Variants in SLC9C1 observed in about 807,000 individuals in gnomAD.
SLC9C1 encodes solute carrier family 9 member C1, also known as sodium/hydrogen exchanger 10.
In SLC9C1, 97 loss-of-function variants were observed where a neutral mutation model predicts 140.9. The ratio of observed to expected loss-of-function variants is 0.69; its 90% CI spans 0.58 to 0.82. SLC9C1 has a LOEUF of 0.82. Ranked by LOEUF, SLC9C1 falls within the 40% of genes least tolerant of loss-of-function variation. SLC9C1 has a pLI of 0.00. For synonymous variants in SLC9C1, 440 were observed against 442.6 expected, an observed-to-expected ratio of 0.99 and a Z score of 0.07; for missense variants, 1,340 against 1,389.3, an observed-to-expected ratio of 0.96 and a Z score of 0.56.
Position 112,239,841 on chromosome 3 carries a change from A to T in SLC9C1, c.1445T>A (p.Met482Lys), listed in dbSNP as rs2079093203. Residue 482 changes from methionine (M) to lysine (K), a missense_variant and splice_region_variant, in exon 12 of 29, where the codon ATG becomes AAG. Transcript: ENST00000305815. Reference protein sequence around the residue: ...EKAITLENPYMLNEEETTEHQ... With the variant: ...EKAITLENPYKLNEEETTEHQ... ...ATAAAAAAGATATTACTTGCTTACC[A>T]TGTATGGGTTTTCAAGTGTAATTGC... is the stretch of plus-strand genomic sequence containing the variant. 2 of 1,609,552 alleles carry T rather than the reference A, an allele frequency of 1.2e-6. No individual in the cohort carries two copies. The highest frequency in any genetic ancestry group is 1.7e-6 in the Non-Finnish European group (2 of 1,178,296).
intron 11 of SLC9C1, among the ~76,000 whole-genome samples, chr3:112,242,413 AAT>A (rs1294813668): frequency 6.6e-6 from 1 of 152,184 alleles, no homozygotes. Context: ...TGTTAAGTGA[AAT>A]AAGCCAGGCA....
chr3:112,206,545 T>C (rs949197269), intron 16 of SLC9C1, among the ~76,000 whole-genome samples: 2 of 152,154 alleles, frequency 1.3e-5, no homozygotes, highest in Non-Finnish European at 2.9e-5. Flanking sequence ...CATGCACACA[T>C]ATGTCTATTG....
intron 10 of SLC9C1, among the ~76,000 whole-genome samples, chr3:112,261,413 T>G (rs997825416): frequency 6.6e-6 from 1 of 152,110 alleles, no homozygotes; most frequent in Non-Finnish European, 1.5e-5. Flanking sequence ...TAATCTTCAC[T>G]GCAATTTTGT....
At chr3:112,270,589 G>A (rs1328724831) in intron 6 of SLC9C1, among the ~76,000 whole-genome samples, 1 of 152,210 alleles carries the variant, frequency 6.6e-6, no homozygotes, top group Admixed American at 6.5e-5. Context: ...GCCGAGGTGG[G>A]CAGATCACTT....
At chr3:112,208,412 T>C (rs775951523) in intron 15 of SLC9C1, 39 bp from the exon 16 acceptor site, 3 of 1,345,124 alleles carry the variant, frequency 2.2e-6, no homozygotes, top group Admixed American at 2.3e-5. Context: ...ATAAAAGGTT[T>C]ACATTAAATG....
intron 23 of SLC9C1, among the ~76,000 whole-genome samples, chr3:112,177,721 CAA>C (rs76761034): frequency 5.3e-4 from 40 of 75,472 alleles, no homozygotes; most frequent in Admixed American, 1.0e-3. Context: ...AATTTTTTTT[CAA>C]AAAAAAAAAA....
At chr3:112,286,637 T>C (rs1286357717) in intron 2 of SLC9C1, 67 bp downstream of exon 2, 2 of 1,350,014 alleles carry the variant, frequency 1.5e-6, no homozygotes, top group Admixed American at 4.6e-5. Context: ...TTTCCTTAAT[T>C]CTATATGGTA....
At chr3:112,249,216 C>A (rs960812868) in intron 10 of SLC9C1, among the ~76,000 whole-genome samples, 6 of 151,184 alleles carry the variant, frequency 4.0e-5, no homozygotes, top group Non-Finnish European at 7.4e-5. Flanking sequence ...TCACATGATT[C>A]CAGTTTTTAG....
intron 10 of SLC9C1, among the ~76,000 whole-genome samples, chr3:112,256,287 A>T (rs2079604164): frequency 6.6e-6 from 1 of 152,178 alleles, no homozygotes; most frequent in Non-Finnish European, 1.5e-5. Context: ...AGAAAACTTA[A>T]GGCCAATATG....
rs983922166 is a variant in SLC9C1, at chr3:112,238,684, C to G, written c.1446+1156G>C. On this transcript the variant is annotated intron_variant, in intron 12 of 28. Coordinates refer to ENST00000305815, the MANE Select transcript of SLC9C1 (RefSeq NM_183061.3). ...TGTTTTTCCTTCTAACAGGCAGGAC[C>G]CTCAGCTGCAAGTCTGCTGGAGTTT... Among the ~76,000 whole-genome samples, 3 of 152,188 alleles carry G rather than the reference C, an allele frequency of 2.0e-5. No homozygotes were observed. In the East Asian group the frequency reaches 5.8e-4, roughly 29 times the overall value.
chr3:112,220,855 G>GA (rs201243656), intron 14 of SLC9C1, among the ~76,000 whole-genome samples: 2,847 of 67,846 alleles, frequency 0.042, 47 homozygotes, highest in South Asian at 0.11. Context: ...CTTTTGGCAG[G>GA]GGGGGACAAA....
intron 20 of SLC9C1, among the ~76,000 whole-genome samples, chr3:112,195,900 G>T (rs564268194): frequency 6.6e-6 from 1 of 151,944 alleles, no homozygotes. Flanking sequence ...TATTATTCTC[G>T]TAAATCATTT....
At chr3:112,186,134 T>A in intron 20 of SLC9C1, 2 of 550,160 alleles carry the variant, frequency 3.6e-6, no homozygotes, top group Non-Finnish European at 5.9e-6. Flanking sequence ...GGATATGAGT[T>A]CTTCATTGGA....
At chr3:112,156,196 T>TA (rs2075123157) in intron 26 of SLC9C1, among the ~76,000 whole-genome samples, 1 of 152,168 alleles carries the variant, frequency 6.6e-6, no homozygotes, top group Non-Finnish European at 1.5e-5. Flanking sequence ...CATGGTACTC[T>TA]ATACTTCTAT....
At chr3:112,264,364 T>TA in intron 8 of SLC9C1, 21 bp from the exon 9 acceptor site, 3 of 1,296,036 alleles carry the variant, frequency 2.3e-6, no homozygotes, top group Non-Finnish European at 3.0e-6. Context: ...CAGAAAAAAT[T>TA]AAAAATATTT....
intron 15 of SLC9C1, among the ~76,000 whole-genome samples, chr3:112,213,526 TG>T (rs2108086062): frequency 6.6e-6 from 1 of 152,076 alleles, no homozygotes; most frequent in East Asian, 1.9e-4. Context: ...ACCAAGCAGA[TG>T]GAAAGCAAAA....
At chr3:112,143,678 T>C (rs144361117) in intron 28 of SLC9C1, among the ~76,000 whole-genome samples, 19 of 152,310 alleles carry the variant, frequency 1.2e-4, no homozygotes, top group Admixed American at 3.3e-4. Context: ...TCCCATACTG[T>C]AGGTTGTCTG....
At position 112,208,373 on chromosome 3, in the gene SLC9C1, T is replaced by C. The variant is rs150592749; in HGVS notation, c.1791A>G (p.Lys597=). 7.8e-6 allele frequency: 12 copies of C among 1,531,194 alleles called. No individual in the cohort carries two copies. The highest frequency in any genetic ancestry group is 1.4e-5 in the African/African-American group (1 of 71,588). The allele number at this position is 1,531,194 out of a possible 1,614,324, so 94.9% of individuals were successfully genotyped here. The stretch of plus-strand genomic sequence containing the variant: ...TATGGCATATACGAAAAAAGAAGTA[T>C]CTGTAAAACAAAAAGACAGTTTTAT... The part of the protein sequence containing the change: ...NTRKEKEGPS[K]YFFFRICHTI... Residue 597 remains lysine (K), a splice_region_variant and synonymous_variant, in exon 16 of 29, where the codon AAA becomes AAG. Transcript: ENST00000305815.
rs186035254 is a variant in SLC9C1, at chr3:112,288,631, A to G, written c.-87-1753T>C. ...ACTTACCTCAGTGTGGTGCTCGCCTATGGTCCTAGCTACTCAGGAGGCTGA... is the reference window on the plus strand; with the variant it reads ...ACTTACCTCAGTGTGGTGCTCGCCTGTGGTCCTAGCTACTCAGGAGGCTGA... On this transcript the variant is annotated intron_variant, in intron 1 of 28. Transcript: ENST00000305815. Among the ~76,000 whole-genome samples the G allele has an allele frequency of 2.7e-3, 417 of 152,220 alleles. 2 individuals carry two copies. Among genetic ancestry groups the G allele is most frequent in the Non-Finnish European group, 3.7e-3 (250 of 67,998 alleles).
Sources: allele counts gnomAD v4.1 joint callset (sites outside exome capture counted in the v4.1 genomes callset), GRCh38; gene constraint gnomAD v4.1.1; transcripts MANE v1.5; gene names NCBI Gene and HGNC (gene_info 2026-07-23, HGNC 2026-07-21).